Variants in ADAMTSL3 observed in about 807,000 individuals in gnomAD.
The protein encoded by ADAMTSL3 is ADAMTS like 3, also known as ADAMTS-like protein 3.
Under a neutral mutation model 201.7 loss-of-function variants are expected in ADAMTSL3, and 128 were observed. That is an observed-to-expected ratio of 0.63 (90% confidence interval 0.55 to 0.73). ADAMTSL3 has a LOEUF of 0.73. Among genes scored for constraint, ADAMTSL3 ranks in the 30% least tolerant of loss-of-function variants. The pLI is 0.00. For missense variants in ADAMTSL3, 1,990 were observed against 2,119.6 expected (o/e 0.94, Z 1.20); for synonymous variants, 738 against 748.4 (o/e 0.99, Z 0.23).
intron 6 of ADAMTSL3, among the ~76,000 whole-genome samples, chr15:83,834,944 T>C (rs1222576584): frequency 6.6e-6 from 1 of 152,146 alleles, no homozygotes; most frequent in Non-Finnish European, 1.5e-5. Context: ...TAGAAGTTGC[T>C]TATTGTTGGG....
intron 2 of ADAMTSL3, among the ~76,000 whole-genome samples, chr15:83,690,038 C>G (rs997830180): frequency 3.9e-5 from 6 of 152,110 alleles, no homozygotes; most frequent in African/African-American, 1.2e-4. Flanking sequence ...TTGTCTGAAA[C>G]TTTGCCACTT....
At chr15:83,918,548 C>A (rs754829656) in intron 16 of ADAMTSL3, among the ~76,000 whole-genome samples, 2 of 152,106 alleles carry the variant, frequency 1.3e-5, no homozygotes, top group Non-Finnish European at 2.9e-5. Flanking sequence ...TAATTTCCAG[C>A]AGAAAGAGCA....
chr15:83,884,380 T>G (rs1386587913), intron 9 of ADAMTSL3, among the ~76,000 whole-genome samples: 3 of 144,562 alleles, frequency 2.1e-5, no homozygotes, highest in African/African-American at 7.7e-5. Context: ...GTTCAAGACA[T>G]TCTCCCACCT....
intron 2 of ADAMTSL3, among the ~76,000 whole-genome samples, chr15:83,690,066 A>G (rs1481780378): frequency 1.3e-5 from 2 of 152,128 alleles, no homozygotes; most frequent in Non-Finnish European, 2.9e-5. Context: ...TATTTCAAAT[A>G]TATTAGGATA....
chr15:83,926,057 G>A (rs1026703291), intron 17 of ADAMTSL3, among the ~76,000 whole-genome samples: 2 of 152,264 alleles, frequency 1.3e-5, no homozygotes, highest in Non-Finnish European at 2.9e-5. Flanking sequence ...AATAAACAGC[G>A]TCTCAAGAGC....
intron 4 of ADAMTSL3, among the ~76,000 whole-genome samples, chr15:83,785,655 C>G (rs758410035): frequency 6.6e-6 from 1 of 152,122 alleles, no homozygotes; most frequent in South Asian, 2.1e-4. Flanking sequence ...TTAGATCCTT[C>G]TCTATGGTAG....
intron 4 of ADAMTSL3, among the ~76,000 whole-genome samples, chr15:83,791,112 T>G (rs1353640919): frequency 6.6e-6 from 1 of 152,268 alleles, no homozygotes; most frequent in Non-Finnish European, 1.5e-5. Context: ...TGGAACAATA[T>G]TCCACATTCA....
rs2068571118 is a variant in ADAMTSL3 at position 84,039,613 on chromosome 15, A to C, written c.*1807A>C. 1 of 152,584 alleles carries C rather than the reference A, an allele frequency of 6.6e-6. No individual in the cohort carries two copies. The highest frequency in any genetic ancestry group is 2.1e-4 in the South Asian group (1 of 4,826). 9.5% of individuals were successfully genotyped at this position (152,584 alleles called of 1,614,324 possible). A position where few individuals can be genotyped will look rare whatever the true frequency, so the allele number is the denominator to read the frequency against. Reference sequence around the variant, plus strand: ...TATGTAATAAAGACATGGGACATATATTTTTCTTATTAACAAAATTTCATA... The same window carrying C: ...TATGTAATAAAGACATGGGACATATCTTTTTCTTATTAACAAAATTTCATA... On this transcript the variant is annotated 3_prime_UTR_variant, in exon 30 of 30. Transcript: ENST00000286744.
chr15:84,012,646 AG>A (rs1350474717), intron 23 of ADAMTSL3, among the ~76,000 whole-genome samples: 1 of 152,236 alleles, frequency 6.6e-6, no homozygotes, highest in East Asian at 1.9e-4. Flanking sequence ...CCAACTGATT[AG>A]TAACCTTAAT....
rs151003323 is a variant in ADAMTSL3 at position 84,037,411 on chromosome 15, A to G, written c.4970-289A>G. ...GGTGTGTAGCATTCATAAGTTTTTC[A>G]AGGAGTCCATGACCCTGCAAAAGTT... is the stretch of plus-strand genomic sequence containing the variant. On this transcript the variant is annotated intron_variant, in intron 29 of 29. Transcript: ENST00000286744. Among the ~76,000 whole-genome samples, 1,211 of 152,284 alleles carry G rather than the reference A, an allele frequency of 8.0e-3. 16 individuals are homozygous for G. The highest frequency in any genetic ancestry group is 0.028 in the African/African-American group (1,166 of 41,548).
chr15:83,881,950 G>A (rs1220754759), intron 9 of ADAMTSL3, among the ~76,000 whole-genome samples: 2 of 152,080 alleles, frequency 1.3e-5, no homozygotes, highest in East Asian at 3.9e-4. Flanking sequence ...TCAGGAGATC[G>A]AGACCATCCT....
At chr15:83,842,629 C>T (rs1001452728) in intron 7 of ADAMTSL3, among the ~76,000 whole-genome samples, 4 of 152,098 alleles carry the variant, frequency 2.6e-5, no homozygotes, top group Non-Finnish European at 5.9e-5. Context: ...ACAATCAGTC[C>T]GTCTGGGGAT....
chr15:83,809,283 T>C (rs2063654963), intron 5 of ADAMTSL3, among the ~76,000 whole-genome samples: 1 of 152,042 alleles, frequency 6.6e-6, no homozygotes, highest in Non-Finnish European at 1.5e-5. Flanking sequence ...CCTAAGGAGT[T>C]GAAAGAAAAC....
At chr15:83,771,862 CT>C (rs76516411) in intron 3 of ADAMTSL3, among the ~76,000 whole-genome samples, 6 of 149,006 alleles carry the variant, frequency 4.0e-5, no homozygotes, top group Admixed American at 1.3e-4. Context: ...AGCTTTTTTT[CT>C]TTTTTTTTTC....
At chr15:83,917,915 T>C (rs1167929133) in intron 16 of ADAMTSL3, among the ~76,000 whole-genome samples, 1 of 152,242 alleles carries the variant, frequency 6.6e-6, no homozygotes, top group African/African-American at 2.4e-5. Context: ...TGGTACACTG[T>C]ATTAATAAAT....
At chr15:83,988,846 G>T in intron 22 of ADAMTSL3, 28 bp downstream of exon 22, 2 of 1,360,558 alleles carry the variant, frequency 1.5e-6, no homozygotes, top group Non-Finnish European at 1.9e-6. Flanking sequence ...AATCTAGAAT[G>T]CCTGGTTCTT....
At chr15:83,843,251 T>TTA (rs1354857541) in intron 7 of ADAMTSL3, among the ~76,000 whole-genome samples, 10 of 151,506 alleles carry the variant, frequency 6.6e-5, no homozygotes, top group South Asian at 2.1e-4. Flanking sequence ...TCCTTTTTTT[T>TTA]AAAAAAAATC....
chr15:83,913,929 G>A (rs2065982057), intron 16 of ADAMTSL3, among the ~76,000 whole-genome samples: 1 of 152,230 alleles, frequency 6.6e-6, no homozygotes, highest in Non-Finnish European at 1.5e-5. Flanking sequence ...GGGGTGAGAA[G>A]TTGGCCCCCT....
chr15:83,931,395 G>A (rs2066352554), intron 17 of ADAMTSL3, among the ~76,000 whole-genome samples: 1 of 152,114 alleles, frequency 6.6e-6, no homozygotes, highest in South Asian at 2.1e-4. Context: ...GATTTATCTA[G>A]CTATACACTT....
Sources: allele counts gnomAD v4.1 joint callset (sites outside exome capture counted in the v4.1 genomes callset), GRCh38; gene constraint gnomAD v4.1.1; transcripts MANE v1.5; gene names NCBI Gene and HGNC (gene_info 2026-07-23, HGNC 2026-07-21).